Variants in ST8SIA1 observed in about 807,000 individuals in gnomAD.
The protein encoded by ST8SIA1 is ST8 alpha-N-acetyl-neuraminide alpha-2,8-sialyltransferase 1, also known as alpha-N-acetylneuraminide alpha-2,8-sialyltransferase.
In ST8SIA1, 16 loss-of-function variants were observed where a neutral mutation model predicts 35.9. That is an observed-to-expected ratio of 0.45 (90% CI 0.30 to 0.68). The LOEUF (loss-of-function observed/expected upper bound fraction) is 0.68, where lower values mean the gene tolerates loss of function less well. Among genes scored for constraint, ST8SIA1 ranks in the 30% least tolerant of loss-of-function variants. ST8SIA1 has a pLI of 0.09. For synonymous variants in ST8SIA1, 170 were observed against 169.6 expected (o/e 1.00, Z -0.02); for missense variants, 383 against 453.6 (o/e 0.84, Z 1.41).
At chr12:22,273,263 C>G (rs933937066) in intron 2 of ST8SIA1, among the ~76,000 whole-genome samples, 1 of 152,202 alleles carries the variant, frequency 6.6e-6, no homozygotes, top group Non-Finnish European at 1.5e-5. Flanking sequence ...TTGATCCCCA[C>G]CGTTCACCTA....
chr12:22,287,286 T>A lies in ST8SIA1; in HGVS notation c.244A>T (p.Met82Leu). 1 of 1,612,000 alleles carries A rather than the reference T, an allele frequency of 6.2e-7. No homozygotes were observed. The highest frequency in any genetic ancestry group is 8.5e-7 in the Non-Finnish European group (1 of 1,179,286). The part of the protein sequence containing the change: ...QTAARAFRKQ[M>L]EDCCDPAHLF... The stretch of plus-strand genomic sequence containing the variant: ...TGGGCAGGGTCGCAGCAGTCTTCCA[T>A]TTGTTTCCTAGGAGAGAAAACAGAG... Residue 82 changes from methionine (M) to leucine (L), a missense_variant, in exon 2 of 5, where the codon ATG (methionine) becomes TTG (leucine). Physicochemically the swap from Met to Leu is conservative, Grantham distance 15 (BLOSUM62 2). Coordinates refer to ENST00000396037, the MANE Select transcript of ST8SIA1 (RefSeq NM_003034.4).
intron 4 of ST8SIA1, among the ~76,000 whole-genome samples, chr12:22,212,290 CA>C (rs1865184482): frequency 6.6e-6 from 1 of 152,146 alleles, no homozygotes; most frequent in Non-Finnish European, 1.5e-5. Flanking sequence ...AGCAATTTTC[CA>C]ATGGGTTAAT....
chr12:22,230,983 T>G (rs896868672), intron 4 of ST8SIA1, among the ~76,000 whole-genome samples: 9 of 152,080 alleles, frequency 5.9e-5, no homozygotes, highest in Admixed American at 4.6e-4. Context: ...TGAGGCCTCT[T>G]CTAAGAATCA....
intron 1 of ST8SIA1, chr12:22,325,591 T>C (rs927341112): frequency 1.5e-6 from 1 of 660,906 alleles, no homozygotes; most frequent in South Asian, 1.7e-5. Context: ...GGAATGAAAC[T>C]AGGAATCTCC....
At chr12:22,235,714 G>A (rs1865469257) in intron 4 of ST8SIA1, among the ~76,000 whole-genome samples, 1 of 152,180 alleles carries the variant, frequency 6.6e-6, no homozygotes, top group Admixed American at 6.5e-5. Flanking sequence ...TAAGTCAAAA[G>A]GTTGTCTGTA....
intron 4 of ST8SIA1, among the ~76,000 whole-genome samples, chr12:22,226,059 A>G (rs899539485): frequency 9.9e-5 from 15 of 152,194 alleles, no homozygotes; most frequent in African/African-American, 3.6e-4. Context: ...TTATACTGCA[A>G]ATTTCTTATT....
chr12:22,279,465 G>A (rs1043804537), intron 2 of ST8SIA1, among the ~76,000 whole-genome samples: 3 of 152,106 alleles, frequency 2.0e-5, no homozygotes, highest in Admixed American at 2.0e-4. Context: ...TGTGATAAAT[G>A]ATCAGTTCCC....
At chr12:22,315,724 T>C (rs1866509889) in intron 1 of ST8SIA1, among the ~76,000 whole-genome samples, 1 of 141,784 alleles carries the variant, frequency 7.1e-6, no homozygotes, top group South Asian at 2.2e-4. Flanking sequence ...GAGATAAGAG[T>C]AGTTAGGGCA....
chr12:22,282,779 T>C (rs190866705), intron 2 of ST8SIA1, among the ~76,000 whole-genome samples: 144 of 152,166 alleles, frequency 9.5e-4, no homozygotes, highest in African/African-American at 3.0e-3. Flanking sequence ...CAAAGATCCA[T>C]CCCCACCAGA....
At chr12:22,327,202 C>A (rs1866692766) in intron 1 of ST8SIA1, among the ~76,000 whole-genome samples, 1 of 152,176 alleles carries the variant, frequency 6.6e-6, no homozygotes, top group African/African-American at 2.4e-5. Context: ...AAAACATGTT[C>A]TATTCTCCTC....
chr12:22,205,326 C>A (rs1047222291), intron 4 of ST8SIA1, among the ~76,000 whole-genome samples: 3 of 151,434 alleles, frequency 2.0e-5, no homozygotes, highest in African/African-American at 4.9e-5. Flanking sequence ...GAAATCAGAC[C>A]AGCCTATGAA....
At chr12:22,291,983 T>C (rs146777990) in intron 1 of ST8SIA1, among the ~76,000 whole-genome samples, 51 of 152,280 alleles carry the variant, frequency 3.3e-4, no homozygotes, top group African/African-American at 1.2e-3. Flanking sequence ...TAAAGCAGAA[T>C]AACAGAGTTG....
intron 2 of ST8SIA1, among the ~76,000 whole-genome samples, chr12:22,263,610 T>C (rs774215378): frequency 5.3e-5 from 8 of 152,098 alleles, no homozygotes; most frequent in Non-Finnish European, 1.0e-4. Context: ...TAAAGAAAAA[T>C]TGGTGTTTTG....
chr12:22,245,001 G>A (rs983100013), intron 4 of ST8SIA1, among the ~76,000 whole-genome samples: 1 of 152,016 alleles, frequency 6.6e-6, no homozygotes, highest in Non-Finnish European at 1.5e-5. Flanking sequence ...TGCTCAGTTG[G>A]TTTATCCTTG....
intron 2 of ST8SIA1, among the ~76,000 whole-genome samples, chr12:22,257,798 A>G (rs755677229): frequency 6.6e-6 from 1 of 152,026 alleles, no homozygotes; most frequent in Non-Finnish European, 1.5e-5. Context: ...AGGGCCTTAT[A>G]GGGTATTGTA....
chr12:22,278,348 A>C (rs7976824), intron 2 of ST8SIA1, among the ~76,000 whole-genome samples: 5,721 of 152,280 alleles, frequency 0.038, 388 homozygotes, highest in African/African-American at 0.13. Context: ...TCCTCAAACA[A>C]TCTCCATGTC....
At chr12:22,225,036 G>C (rs1865339893) in intron 4 of ST8SIA1, among the ~76,000 whole-genome samples, 1 of 152,148 alleles carries the variant, frequency 6.6e-6, no homozygotes, top group African/African-American at 2.4e-5. Flanking sequence ...ATGGAGTGCT[G>C]AGTCTATCAG....
chr12:22,255,059 T>C (rs371595030), intron 3 of ST8SIA1, among the ~76,000 whole-genome samples: 36 of 152,314 alleles, frequency 2.4e-4, no homozygotes, highest in African/African-American at 8.2e-4. Flanking sequence ...GGTATCTCTG[T>C]TCCGCCTGAG....
chr12:22,253,561 C>A (rs977155166), intron 3 of ST8SIA1, among the ~76,000 whole-genome samples: 1 of 152,188 alleles, frequency 6.6e-6, no homozygotes, highest in South Asian at 2.1e-4. Context: ...AATTCCCCCA[C>A]GGTAGCAAAC....
Sources: gnomAD v4.1 joint callset for allele counts (sites outside exome capture counted in the v4.1 genomes callset) on GRCh38, gnomAD v4.1.1 for gene constraint, MANE v1.5 for transcripts, NCBI Gene and HGNC (gene_info 2026-07-23, HGNC 2026-07-21) for gene names.